The following GRAMD1C variants were observed in gnomAD, a reference collection of about 807,000 sequenced individuals.
GRAMD1C encodes GRAM domain containing 1C.
In GRAMD1C, 89 loss-of-function variants were observed where a neutral mutation model predicts 97.8. That is an observed-to-expected ratio of 0.91 (90% CI 0.77 to 1.09). The LOEUF is 1.09. Ranked by LOEUF, GRAMD1C falls within the 50% of genes least tolerant of loss-of-function variation. The pLI, the probability that GRAMD1C is intolerant of heterozygous loss-of-function variation, is 0.00. For missense variants in GRAMD1C, 740 were observed against 766.4 expected (o/e 0.97, Z 0.41); for synonymous variants, 256 against 267.0 (o/e 0.96, Z 0.40).
chr3:113,871,622 G>A (rs940570232), intron 3 of GRAMD1C, among the ~76,000 whole-genome samples: 2 of 151,930 alleles, frequency 1.3e-5, no homozygotes, highest in Non-Finnish European at 2.9e-5. Flanking sequence ...GTGGATGCCT[G>A]TAGTCCCAGC....
intron 1 of GRAMD1C, among the ~76,000 whole-genome samples, chr3:113,829,886 C>T (rs952741974): frequency 2.6e-5 from 4 of 152,084 alleles, no homozygotes; most frequent in Admixed American, 6.6e-5. Flanking sequence ...ACCTGAGGTT[C>T]GTTGTCCCAC....
intron 3 of GRAMD1C, among the ~76,000 whole-genome samples, chr3:113,875,142 T>A (rs1189422867): frequency 6.6e-6 from 1 of 152,048 alleles, no homozygotes; most frequent in Admixed American, 6.6e-5. Flanking sequence ...GATCAGTTTT[T>A]TTTAGGAGAA....
intron 2 of GRAMD1C, 102 bp from the exon 3 acceptor site, chr3:113,869,405 A>G: frequency 1.4e-6 from 1 of 705,996 alleles, no homozygotes; most frequent in Non-Finnish European, 2.5e-6. Flanking sequence ...GACATACAAA[A>G]TATTGCATAG....
Position 113,938,128 on chromosome 3 carries a change from TG to T in GRAMD1C, c.1678del (p.Val560Ter). On this transcript the variant is annotated frameshift_variant, in exon 15 of 18. Coordinates refer to ENST00000358160, the MANE Select transcript of GRAMD1C (RefSeq NM_017577.5). LOFTEE classifies it high-confidence loss of function. ...EMENYNVTLIVVMSIFVLLLV... is the reference protein window; with the variant it reads ...EMENYNVTLIXVMSIFVLLLV... ...GAAAACTATAACGTCACTCTTATTG[TG>T]GTAATGAGTATTTTGTAAGTATTTG... 1 of 1,509,348 alleles carries T rather than the reference TG, an allele frequency of 6.6e-7. No individual in the cohort carries two copies. Among genetic ancestry groups the T allele is most frequent in the Non-Finnish European group, 9.1e-7 (1 of 1,103,568 alleles). 93.5% of individuals were successfully genotyped at this position (1,509,348 alleles called of 1,614,324 possible).
chr3:113,932,301 T>C (rs1393160346), intron 11 of GRAMD1C, among the ~76,000 whole-genome samples: 1 of 152,206 alleles, frequency 6.6e-6, no homozygotes, highest in Non-Finnish European at 1.5e-5. Context: ...TCTTAAAAGA[T>C]TATCAAACGT....
intron 9 of GRAMD1C, among the ~76,000 whole-genome samples, chr3:113,914,719 A>C (rs934422505): frequency 1.3e-5 from 2 of 151,840 alleles, no homozygotes; most frequent in Non-Finnish European, 2.9e-5. Context: ...TTCTAAGTTA[A>C]ATTCCTTCTG....
At chr3:113,832,330 A>G (rs1368494826) in intron 1 of GRAMD1C, among the ~76,000 whole-genome samples, 1 of 152,150 alleles carries the variant, frequency 6.6e-6, no homozygotes, top group Non-Finnish European at 1.5e-5. Flanking sequence ...GCCTGGCATA[A>G]TGCAGCAACT....
intron 3 of GRAMD1C, among the ~76,000 whole-genome samples, chr3:113,870,342 A>G (rs1244478403): frequency 1.3e-5 from 2 of 151,970 alleles, no homozygotes; most frequent in Admixed American, 1.3e-4. Flanking sequence ...ACCCTGGGCA[A>G]CAGAGTGAGA....
At chr3:113,904,537 A>G (rs1469821882) in intron 8 of GRAMD1C, among the ~76,000 whole-genome samples, 2 of 152,194 alleles carry the variant, frequency 1.3e-5, no homozygotes, top group Non-Finnish European at 2.9e-5. Flanking sequence ...CATTAAAAGA[A>G]TAATAAGATG....
At chr3:113,886,938 C>T (rs1253579736) in intron 6 of GRAMD1C, among the ~76,000 whole-genome samples, 14 of 151,304 alleles carry the variant, frequency 9.3e-5, no homozygotes, top group Non-Finnish European at 1.8e-4. Flanking sequence ...TGCGCCACCA[C>T]GCCCAGCTAA....
At position 113,876,209 on chromosome 3, in the gene GRAMD1C, A is replaced by C. The variant is rs767109971; in HGVS notation, c.408A>C (p.Lys136Asn). The stretch of plus-strand genomic sequence containing the variant: ...ATATAACCTTCATGACCAAGGAAAA[A>C]ACTGCTCGACTCATCCCAAACGCTA... ...LKNITFMTKE[K>N]TARLIPNAIQ... Residue 136 changes from lysine to asparagine, a missense_variant, in exon 5 of 18, where the codon AAA becomes AAC. Physicochemically the swap from Lys to Asn is moderately conservative, Grantham distance 94. Transcript: ENST00000358160. 9 of 1,603,496 alleles carry C rather than the reference A, an allele frequency of 5.6e-6. No homozygotes were observed. Among genetic ancestry groups the C allele is most frequent in the Non-Finnish European group, 7.7e-6 (9 of 1,171,074 alleles).
At chr3:113,844,742 T>C in intron 2 of GRAMD1C, 93 bp downstream of exon 2, 1 of 864,924 alleles carries the variant, frequency 1.2e-6, no homozygotes, top group Non-Finnish European at 1.8e-6. Context: ...AATTTCCTTC[T>C]TAGCTTCTAG....
chr3:113,895,935 T>C (rs1935924368), intron 6 of GRAMD1C, among the ~76,000 whole-genome samples: 1 of 152,220 alleles, frequency 6.6e-6, no homozygotes, highest in African/African-American at 2.4e-5. Context: ...TGATGTCAAA[T>C]AGTAGTGTTT....
chr3:113,830,741 C>T (rs930332007), intron 1 of GRAMD1C, among the ~76,000 whole-genome samples: 4 of 152,230 alleles, frequency 2.6e-5, no homozygotes, highest in South Asian at 2.1e-4. Flanking sequence ...CATTGTTATG[C>T]AATGCATGAC....
At chr3:113,924,221 C>A (rs1262410859) in intron 10 of GRAMD1C, among the ~76,000 whole-genome samples, 1 of 151,660 alleles carries the variant, frequency 6.6e-6, no homozygotes, top group African/African-American at 2.4e-5. Flanking sequence ...TTCAAAGAGC[C>A]AACTTATGAT....
chr3:113,893,687 G>A (rs1242672548), intron 6 of GRAMD1C, among the ~76,000 whole-genome samples: 1 of 152,186 alleles, frequency 6.6e-6, no homozygotes, highest in Non-Finnish European at 1.5e-5. Context: ...ACCAAGTACG[G>A]TCTGAAACTG....
At chr3:113,945,177 T>C (rs979122192) in intron 17 of GRAMD1C, among the ~76,000 whole-genome samples, 2 of 152,162 alleles carry the variant, frequency 1.3e-5, no homozygotes, top group African/African-American at 4.8e-5. Context: ...TATGTAGCAG[T>C]AGGAAGAAGT....
chr3:113,925,230 C>A (rs1490646092), intron 10 of GRAMD1C, among the ~76,000 whole-genome samples: 4 of 152,186 alleles, frequency 2.6e-5, no homozygotes, highest in African/African-American at 9.6e-5. Context: ...GGGCTCACGC[C>A]TGTAATCCCA....
chr3:113,882,786 G>A lies in GRAMD1C; in HGVS notation c.494G>A (p.Ser165Asn). 6.3e-7 allele frequency: 1 copy of A among 1,597,180 alleles called. No individual in the cohort carries two copies. The highest frequency in any genetic ancestry group is 8.6e-7 in the Non-Finnish European group (1 of 1,165,016). Residue 165 changes from serine (S) to asparagine (N), a missense_variant, in exon 6 of 18, where the codon AGT becomes AAT. Coordinates refer to ENST00000358160, the MANE Select transcript of GRAMD1C (RefSeq NM_017577.5). The stretch of plus-strand genomic sequence containing the variant: ...ACATCTTTTGGTGCCAGGGATAGAA[G>A]TTACCTCAGTATCTTTAGGTTGTGG... The part of the protein sequence containing the change: ...FFTSFGARDR[S>N]YLSIFRLWQN...
Sources: gnomAD v4.1 joint callset for allele counts (sites outside exome capture counted in the v4.1 genomes callset) on GRCh38, gnomAD v4.1.1 for gene constraint, MANE v1.5 for transcripts, NCBI Gene and HGNC (gene_info 2026-07-23, HGNC 2026-07-21) for gene names.